PDE4B: variants seen among roughly 807,000 people sequenced by gnomAD.
PDE4B encodes the protein phosphodiesterase 4B.
Under a neutral mutation model 82.2 loss-of-function variants are expected in PDE4B, and 20 were observed. The ratio of observed to expected loss-of-function variants is 0.24; its 90% CI spans 0.17 to 0.35. The LOEUF is 0.35. Among genes scored for constraint, PDE4B ranks in the 10% least tolerant of loss-of-function variants. PDE4B has a pLI of 1.00. For missense variants in PDE4B, 655 were observed against 907.2 expected (o/e 0.72, Z 3.57); for synonymous variants, 320 against 318.9 (o/e 1.00, Z -0.04).
chr1:65,918,896 C>A, intron 3 of PDE4B, 61 bp downstream of exon 3: 2 of 1,022,694 alleles, frequency 2.0e-6, no homozygotes, highest in South Asian at 1.3e-5. Flanking sequence ...TCTCCAAATA[C>A]AATTTCATAG....
intron 3 of PDE4B, among the ~76,000 whole-genome samples, chr1:66,101,552 T>C (rs954485752): frequency 3.7e-4 from 56 of 152,324 alleles, no homozygotes; most frequent in African/African-American, 1.3e-3. Context: ...TATCTCACTG[T>C]AGTTTTGATT....
intron 1 of PDE4B, among the ~76,000 whole-genome samples, chr1:65,864,547 G>A (rs1040112035): frequency 2.6e-5 from 4 of 151,936 alleles, no homozygotes; most frequent in Admixed American, 6.6e-5. Context: ...GTTTTTGTGC[G>A]GGGGTCCTTT....
intron 3 of PDE4B, among the ~76,000 whole-genome samples, chr1:66,235,801 CAG>C (rs1306700351): frequency 6.6e-6 from 1 of 152,122 alleles, no homozygotes; most frequent in Non-Finnish European, 1.5e-5. Flanking sequence ...TTAAATTTAA[CAG>C]AGTTTAACTG....
At chr1:66,125,124 T>A (rs1333341998) in intron 3 of PDE4B, among the ~76,000 whole-genome samples, 1 of 151,814 alleles carries the variant, frequency 6.6e-6, no homozygotes, top group East Asian at 1.9e-4. Flanking sequence ...TCTAAATGCT[T>A]GGACTAGTCA....
intron 3 of PDE4B, among the ~76,000 whole-genome samples, chr1:66,089,838 C>T (rs1026588755): frequency 1.3e-5 from 2 of 152,032 alleles, no homozygotes; most frequent in African/African-American, 4.8e-5. Flanking sequence ...AAACTTCTGT[C>T]ATTATGCTAT....
intron 1 of PDE4B, among the ~76,000 whole-genome samples, chr1:65,883,074 G>T (rs1190797327): frequency 1.3e-5 from 2 of 152,116 alleles, no homozygotes; most frequent in African/African-American, 4.8e-5. Flanking sequence ...ACAATCATAT[G>T]CTTCATAGGT....
At position 65,913,373 on chromosome 1, in the gene PDE4B, C is replaced by G. The variant is rs1003499220; in HGVS notation, c.42+17C>G. ...GCTGATGATGTAAGTTTCAAAAGGT[C>G]CCAATCATGTTTGGTCTGTTCAATA... On this transcript the variant is annotated intron_variant, in intron 2 of 16. Transcript: ENST00000341517. 6.2e-7 allele frequency: 1 copy of G among 1,612,166 alleles called. No homozygotes were observed. Among genetic ancestry groups the G allele is most frequent in the Non-Finnish European group, 8.5e-7 (1 of 1,178,492 alleles).
chr1:66,114,286 G>A (rs1323195656), intron 3 of PDE4B, among the ~76,000 whole-genome samples: 1 of 152,180 alleles, frequency 6.6e-6, no homozygotes, highest in Admixed American at 6.5e-5. Flanking sequence ...GAGCTACTCA[G>A]ATGATAGTAT....
intron 3 of PDE4B, among the ~76,000 whole-genome samples, chr1:66,079,595 TAGAAAG>T (rs879831668): frequency 1.4e-4 from 22 of 152,084 alleles, no homozygotes; most frequent in Non-Finnish European, 2.8e-4. Context: ...GATTAGAGAA[TAGAAAG>T]AGTTATTTAG....
At chr1:65,828,870 T>C (rs2101282758) in intron 1 of PDE4B, among the ~76,000 whole-genome samples, 1 of 152,202 alleles carries the variant, frequency 6.6e-6, no homozygotes, top group East Asian at 1.9e-4. Flanking sequence ...AGCTCAGAGA[T>C]GGCAGAAAAG....
At chr1:66,140,539 G>T (rs1646151590) in intron 3 of PDE4B, among the ~76,000 whole-genome samples, 1 of 152,168 alleles carries the variant, frequency 6.6e-6, no homozygotes, top group African/African-American at 2.4e-5. Context: ...AAAGTAAAAA[G>T]TAAAAATGGC....
intron 3 of PDE4B, among the ~76,000 whole-genome samples, chr1:66,070,962 A>G (rs1656125717): frequency 6.6e-6 from 1 of 152,086 alleles, no homozygotes; most frequent in African/African-American, 2.4e-5. Flanking sequence ...GGCATTTAAT[A>G]TATAAGCTAT....
At chr1:66,166,733 CAAAAAAAAAA>C (rs903951141) in intron 3 of PDE4B, among the ~76,000 whole-genome samples, 24 of 60,664 alleles carry the variant, frequency 4.0e-4, no homozygotes, top group African/African-American at 1.1e-3. Flanking sequence ...GACTCTGTCT[CAAAAAAAAAA>C]AAAAAAAAGT....
intron 3 of PDE4B, among the ~76,000 whole-genome samples, chr1:66,048,366 A>G (rs1165335866): frequency 6.6e-6 from 1 of 151,974 alleles, no homozygotes; most frequent in Non-Finnish European, 1.5e-5. Context: ...CTTTTCTTGC[A>G]GTCAATAAAA....
At chr1:66,106,749 A>T (rs1379092232) in intron 3 of PDE4B, among the ~76,000 whole-genome samples, 1 of 150,650 alleles carries the variant, frequency 6.6e-6, no homozygotes, top group Non-Finnish European at 1.5e-5. Flanking sequence ...GTATTCTCTG[A>T]TGGTAGTTTG....
chr1:65,793,976 G>A (rs1645603563), intron 1 of PDE4B, among the ~76,000 whole-genome samples: 1 of 152,106 alleles, frequency 6.6e-6, no homozygotes, highest in African/African-American at 2.4e-5. Flanking sequence ...ACCCACTATG[G>A]CCAACAGCTT....
chr1:65,910,816 G>A lies in PDE4B; in HGVS notation c.-70-2429G>A, dbSNP rs555937724. Among the ~76,000 whole-genome samples, 290 of 152,280 alleles carry A rather than the reference G, an allele frequency of 1.9e-3. 2 individuals are homozygous for A. Among genetic ancestry groups the A allele is most frequent in the South Asian group, 4.6e-3 (22 of 4,814 alleles). ...GCTGAACATACCCAGGAGCCAGAGG[G>A]CTAGACAGTACCTGAGAACCAGCCT... On this transcript the variant is annotated intron_variant, in intron 1 of 16. Transcript: ENST00000341517.
intron 1 of PDE4B, among the ~76,000 whole-genome samples, chr1:65,880,718 A>G (rs774303873): frequency 1.3e-5 from 2 of 152,152 alleles, no homozygotes; most frequent in African/African-American, 4.8e-5. Context: ...GAACAGTGGG[A>G]AATAAATTTG....
intron 3 of PDE4B, among the ~76,000 whole-genome samples, chr1:66,130,724 C>G (rs1041841978): frequency 1.3e-5 from 2 of 152,210 alleles, no homozygotes; most frequent in African/African-American, 2.4e-5. Flanking sequence ...TTGAACATCG[C>G]TGAAGGGTCA....
Sources: allele counts gnomAD v4.1 joint callset (sites outside exome capture counted in the v4.1 genomes callset), GRCh38; gene constraint gnomAD v4.1.1; transcripts MANE v1.5; gene names NCBI Gene and HGNC (gene_info 2026-07-23, HGNC 2026-07-21).